Variants in DENND1B observed in about 807,000 individuals in gnomAD.
DENND1B encodes the protein DENN domain containing 1B, also known as DENN domain-containing protein 1B.
DENND1B carries 59 observed loss-of-function variants against 90.1 expected under a neutral mutation model. That is an observed-to-expected ratio of 0.65 (90% CI 0.53 to 0.81). The LOEUF (loss-of-function observed/expected upper bound fraction) is 0.81, where lower values mean the gene tolerates loss of function less well. DENND1B is among the 40% of genes least tolerant of loss of function. The probability of loss-of-function intolerance (pLI) is 0.00; values close to 1 mark genes in which losing one functional copy is unlikely to be tolerated. For synonymous variants in DENND1B, 337 were observed against 324.6 expected, an observed-to-expected ratio of 1.04 and a Z score of -0.41; for missense variants, 862 against 912.6, an observed-to-expected ratio of 0.94 and a Z score of 0.71.
intron 2 of DENND1B, among the ~76,000 whole-genome samples, chr1:197,751,141 AT>A (rs1409371048): frequency 4.6e-5 from 7 of 152,234 alleles, no homozygotes; most frequent in African/African-American, 1.7e-4. Flanking sequence ...TATATTCTAT[AT>A]AAGTGCACAC....
chr1:197,663,539 T>C (rs1654629561), intron 5 of DENND1B, among the ~76,000 whole-genome samples: 1 of 152,134 alleles, frequency 6.6e-6, no homozygotes, highest in Non-Finnish European at 1.5e-5. Flanking sequence ...ACTGTACTGT[T>C]GTTTAATTAA....
chr1:197,559,689 T>C (rs980427655), intron 15 of DENND1B, among the ~76,000 whole-genome samples: 38 of 150,722 alleles, frequency 2.5e-4, no homozygotes, highest in African/African-American at 8.8e-4. Flanking sequence ...TCTTTAAAAT[T>C]TGCCTTTTTA....
chr1:197,552,118 T>C lies in DENND1B; in HGVS notation c.1240+904A>G, dbSNP rs1315939316. 3 of 668,452 alleles carry C rather than the reference T, an allele frequency of 4.5e-6. No homozygotes were observed. In the African/African-American group the frequency reaches 5.9e-5, roughly 13 times the overall value. The allele number at this position is 668,452 out of a possible 1,614,324, so 41.4% of individuals were successfully genotyped here. ...GTAGATGAGTACTTATTACGTTTTG[T>C]CTTTTCATGTGTCATTTCTGAATTC... On this transcript the variant is annotated intron_variant, in intron 16 of 22. Transcript: ENST00000620048.
At chr1:197,725,889 T>C (rs1316335884) in intron 2 of DENND1B, among the ~76,000 whole-genome samples, 4 of 151,902 alleles carry the variant, frequency 2.6e-5, no homozygotes, top group African/African-American at 7.3e-5. Context: ...TGAAAGGTAA[T>C]AAAATAATGA....
chr1:197,577,960 G>A (rs957690148), intron 15 of DENND1B, among the ~76,000 whole-genome samples: 43 of 152,198 alleles, frequency 2.8e-4, no homozygotes, highest in South Asian at 8.3e-4. Context: ...ACTGGATGAC[G>A]TATAAACATT....
intron 16 of DENND1B, among the ~76,000 whole-genome samples, chr1:197,551,559 A>T (rs1671244331): frequency 6.6e-6 from 1 of 152,112 alleles, no homozygotes; most frequent in Admixed American, 6.6e-5. Context: ...CCACCAGAAA[A>T]GCCACCTATC....
chr1:197,778,183 G>C (rs558562360), upstream of DENND1B, among the ~76,000 whole-genome samples: 14 of 152,100 alleles, frequency 9.2e-5, no homozygotes, highest in African/African-American at 3.4e-4. Context: ...TCGTACTTTT[G>C]CCTTAGATTC....
At position 197,677,260 on chromosome 1, in the gene DENND1B, A is replaced by G. The variant is rs533497252; in HGVS notation, c.127-3091T>C. 2.6e-5 allele frequency among the ~76,000 whole-genome samples: 4 copies of G among 152,246 alleles called. No individual in the cohort carries two copies. The East Asian group carries it at 7.7e-4, about 29-fold the overall frequency. On this transcript the variant is annotated intron_variant, in intron 3 of 22. Transcript: ENST00000620048. ...GATATACCTGTAAGCAATCTCATCT[A>G]TACCCACAGTTTCAACTACAACTAC...
intron 13 of DENND1B, among the ~76,000 whole-genome samples, chr1:197,599,561 CAA>C (rs1451282038): frequency 1.3e-5 from 2 of 151,696 alleles, no homozygotes; most frequent in East Asian, 1.9e-4. Flanking sequence ...ATCTGTAGAA[CAA>C]AGTTATAAAG....
At chr1:197,676,381 A>T (rs976472208) in intron 3 of DENND1B, among the ~76,000 whole-genome samples, 1 of 152,062 alleles carries the variant, frequency 6.6e-6, no homozygotes, top group African/African-American at 2.4e-5. Context: ...AGTGTGTGTG[A>T]AGGCTGGTAT....
intron 7 of DENND1B, among the ~76,000 whole-genome samples, chr1:197,647,907 A>T (rs1241784348): frequency 6.6e-6 from 1 of 150,818 alleles, no homozygotes; most frequent in Non-Finnish European, 1.5e-5. Flanking sequence ...AGATCACGCC[A>T]TTGTTTTCCA....
At chr1:197,775,895 C>T (rs1657238120), upstream of DENND1B, among the ~76,000 whole-genome samples, 1 of 152,162 alleles carries the variant, frequency 6.6e-6, no homozygotes, top group Admixed American at 6.5e-5. Flanking sequence ...CTGGCTCTTG[C>T]GTCACTCCAG....
At chr1:197,525,809 TC>T (rs1571737671) in intron 20 of DENND1B, among the ~76,000 whole-genome samples, 1 of 151,946 alleles carries the variant, frequency 6.6e-6, no homozygotes, top group Non-Finnish European at 1.5e-5. Flanking sequence ...GAATCAAAGG[TC>T]TTAACAGAAA....
Position 197,649,642 on chromosome 1 carries a change from G to C in DENND1B, c.448-2528C>G, listed in dbSNP as rs568166214. ...GAAATGACACTCTTTTCAACAAATG[G>C]TGCTGGGATAATTGGCTAGCCACAT... On this transcript the variant is annotated intron_variant, in intron 7 of 22. Coordinates refer to ENST00000620048, the MANE Select transcript of DENND1B (RefSeq NM_001195215.2). 2.0e-4 allele frequency among the ~76,000 whole-genome samples: 31 copies of C among 152,226 alleles called. No homozygotes were observed. In the Middle Eastern group the frequency reaches 0.017, roughly 84 times the overall value.
intron 3 of DENND1B, among the ~76,000 whole-genome samples, chr1:197,680,374 G>C (rs1656560660): frequency 6.6e-6 from 1 of 152,042 alleles, no homozygotes; most frequent in Non-Finnish European, 1.5e-5. Context: ...CATAATATTT[G>C]CTTACATTTC....
At chr1:197,653,396 G>A (rs1477663955) in intron 6 of DENND1B, among the ~76,000 whole-genome samples, 2 of 151,890 alleles carry the variant, frequency 1.3e-5, no homozygotes, top group East Asian at 3.9e-4. Context: ...AGAAAATTGT[G>A]GCTCATATTG....
rs779047430 is a variant in DENND1B, at chr1:197,511,956, T to C, written c.1599-12A>G. On this transcript the variant is annotated splice_polypyrimidine_tract_variant and intron_variant, in intron 21 of 22. Transcript: ENST00000620048. The stretch of plus-strand genomic sequence containing the variant: ...CTTCAGAAGATAACCTGAAGAAAAA[T>C]AAAACACGCAGTAGTAGGTAAATAA... 47 of 1,593,328 alleles carry C rather than the reference T, an allele frequency of 2.9e-5. No homozygotes were observed. Among genetic ancestry groups the C allele is most frequent in the Non-Finnish European group, 3.6e-5 (42 of 1,167,984 alleles).
At chr1:197,662,963 C>T (rs1056085651) in intron 5 of DENND1B, among the ~76,000 whole-genome samples, 15 of 152,076 alleles carry the variant, frequency 9.9e-5, no homozygotes, top group African/African-American at 3.6e-4. Context: ...TTTAAAGTAA[C>T]ATTTTGGTAA....
In DENND1B at chr1:197,747,024, A is replaced by G. The variant is rs943816251; in HGVS notation, c.82+25844T>C. The G allele has an allele frequency of 8.3e-6, 7 of 842,716 alleles. No homozygotes were observed. In the Admixed American group the frequency reaches 1.0e-4, roughly 12 times the overall value. 52.2% of individuals were successfully genotyped at this position (842,716 alleles called of 1,614,324 possible). ...ATTTCTCAACATTTTTCCTTTTAACATGGCGTTCAAATCAATCATTGACTC... is the reference window on the plus strand; with the variant it reads ...ATTTCTCAACATTTTTCCTTTTAACGTGGCGTTCAAATCAATCATTGACTC... On this transcript the variant is annotated intron_variant, in intron 2 of 22. Coordinates refer to ENST00000620048, the MANE Select transcript of DENND1B (RefSeq NM_001195215.2).
Sources: allele counts gnomAD v4.1 joint callset (sites outside exome capture counted in the v4.1 genomes callset), GRCh38; gene constraint gnomAD v4.1.1; transcripts MANE v1.5; gene names NCBI Gene and HGNC (gene_info 2026-07-23, HGNC 2026-07-21).